Variants in ANK2 observed in about 807,000 individuals in gnomAD.
The protein encoded by ANK2 is ankyrin-2.
Under a neutral mutation model 360.5 loss-of-function variants are expected in ANK2, and 83 were observed. The ratio of observed to expected loss-of-function variants is 0.23; its 90% CI spans 0.19 to 0.28. The LOEUF is 0.28. Among genes scored for constraint, ANK2 ranks in the 10% least tolerant of loss-of-function variants. ANK2 has a pLI of 1.00. For synonymous variants in ANK2, 1,740 were observed against 1,759.5 expected, an observed-to-expected ratio of 0.99 and a Z score of 0.28; for missense variants, 4,201 against 4,795.7, an observed-to-expected ratio of 0.88 and a Z score of 3.66.
intron 23 of ANK2, among the ~76,000 whole-genome samples, chr4:113,304,969 T>G (rs1214361946): frequency 1.3e-5 from 2 of 152,186 alleles, no homozygotes; most frequent in Middle Eastern, 3.2e-3. Flanking sequence ...AGCCCTTTAT[T>G]TACAAAATAA....
intron 2 of ANK2, among the ~76,000 whole-genome samples, chr4:113,016,910 T>C (rs1314623247): frequency 6.6e-6 from 1 of 152,164 alleles, no homozygotes; most frequent in African/African-American, 2.4e-5. Flanking sequence ...TCCCATCAAC[T>C]TGGAGTGCTT....
chr4:112,737,541 C>T, the ANK2 span, among the ~76,000 whole-genome samples: 2 of 152,224 alleles, frequency 1.3e-5, no homozygotes, highest in Non-Finnish European at 2.9e-5. Context: ...TGGCAGTTTG[C>T]TCCACATGGC....
At chr4:113,096,518 G>A (rs1241506972) in intron 1 of ANK2, among the ~76,000 whole-genome samples, 2 of 152,080 alleles carry the variant, frequency 1.3e-5, no homozygotes, top group Non-Finnish European at 2.9e-5. Context: ...ATGTCCAGCA[G>A]AATCACAAAA....
At chr4:113,129,616 T>C (rs2095881093) in intron 1 of ANK2, among the ~76,000 whole-genome samples, 1 of 152,212 alleles carries the variant, frequency 6.6e-6, no homozygotes, top group Admixed American at 6.5e-5. Flanking sequence ...GGAGCTGCTA[T>C]ATAGTACATT....
At chr4:112,712,231 C>T in the ANK2 span, among the ~76,000 whole-genome samples, 1 of 149,794 alleles carries the variant, frequency 6.7e-6, no homozygotes, top group Non-Finnish European at 1.5e-5. Flanking sequence ...AGGCATGTGC[C>T]ACCATGCCTG....
At chr4:112,764,669 T>G in the ANK2 span, among the ~76,000 whole-genome samples, 2 of 151,464 alleles carry the variant, frequency 1.3e-5, no homozygotes, top group African/African-American at 2.4e-5. Flanking sequence ...TTATTGCCTT[T>G]CCTTTGTATT....
intron 23 of ANK2, among the ~76,000 whole-genome samples, chr4:113,305,713 T>G (rs1229094428): frequency 6.6e-6 from 1 of 152,214 alleles, no homozygotes; most frequent in African/African-American, 2.4e-5. Flanking sequence ...GTTAATATGT[T>G]TTTATGAAAC....
At chr4:113,333,024 C>G (rs1266869318) in intron 28 of ANK2, 30 bp from the exon 29 acceptor site, 1 of 1,613,916 alleles carries the variant, frequency 6.2e-7, no homozygotes, top group African/African-American at 1.3e-5. Flanking sequence ...AGCTCCTGTC[C>G]ACACTGAATG....
At chr4:112,745,325 T>A in the ANK2 span, among the ~76,000 whole-genome samples, 1,694 of 152,318 alleles carry the variant, frequency 0.011, 41 homozygotes, top group African/African-American at 0.039. Flanking sequence ...ATAGTAGGTG[T>A]ATATATTTAT....
At chr4:112,930,147 C>T (rs998204080) in intron 2 of ANK2, among the ~76,000 whole-genome samples, 3 of 151,620 alleles carry the variant, frequency 2.0e-5, no homozygotes, top group Admixed American at 6.6e-5. Flanking sequence ...TTTTCCTGCT[C>T]ATTGAATATG....
intron 4 of ANK2, among the ~76,000 whole-genome samples, chr4:113,206,405 G>A (rs531455382): frequency 3.9e-5 from 6 of 152,212 alleles, no homozygotes; most frequent in East Asian, 3.9e-4. Flanking sequence ...CCATGTTCCC[G>A]CAAAGGACAT....
At chr4:113,265,069 T>C in intron 14 of ANK2, 74 bp downstream of exon 14, 8 of 1,370,710 alleles carry the variant, frequency 5.8e-6, no homozygotes, top group Non-Finnish European at 8.1e-6. Flanking sequence ...GTGTTGCCCT[T>C]CAGTTCCTTG....
At chr4:113,194,325 G>A (rs1409695788) in intron 2 of ANK2, among the ~76,000 whole-genome samples, 2 of 152,008 alleles carry the variant, frequency 1.3e-5, no homozygotes, top group South Asian at 2.1e-4. Flanking sequence ...TGGTTTTTCT[G>A]TATATGTCAG....
chr4:112,757,197 C>T, the ANK2 span, among the ~76,000 whole-genome samples: 3 of 150,848 alleles, frequency 2.0e-5, no homozygotes, highest in African/African-American at 7.3e-5. Flanking sequence ...ACTGCAACCT[C>T]CGCTTCCCGG....
intron 1 of ANK2, among the ~76,000 whole-genome samples, chr4:112,849,495 T>A (rs1046398946): frequency 4.6e-5 from 7 of 152,242 alleles, no homozygotes; most frequent in African/African-American, 1.7e-4. Flanking sequence ...CCTGGTTTAT[T>A]ACTCCTTTCT....
At chr4:113,147,654 A>G (rs973083737) in intron 1 of ANK2, among the ~76,000 whole-genome samples, 1 of 152,220 alleles carries the variant, frequency 6.6e-6, no homozygotes, top group African/African-American at 2.4e-5. Context: ...ACTTAATACC[A>G]AGCATGACTT....
chr4:112,923,411 G>T lies in ANK2; in HGVS notation c.21+18897G>T, dbSNP rs552919374. ...ACTGTGGAATTCCTTTCAAAATGAG[G>T]CTGATTATAAAGCTAAATGTTGCTG... is the stretch of plus-strand genomic sequence containing the variant. On this transcript the variant is annotated intron_variant, in intron 2 of 30. Transcript: ENST00000503271. 3.3e-5 allele frequency among the ~76,000 whole-genome samples: 5 copies of T among 151,646 alleles called. No individual in the cohort carries two copies. The East Asian group carries it at 9.7e-4, about 29-fold the overall frequency.
At chr4:113,175,463 C>T (rs2098157162) in intron 2 of ANK2, among the ~76,000 whole-genome samples, 1 of 152,134 alleles carries the variant, frequency 6.6e-6, no homozygotes, top group African/African-American at 2.4e-5. Context: ...CCAACTGTTT[C>T]CCGTTCCTCA....
At chr4:113,257,959 A>ATGTAACATTATTGCCTGCAATG in intron 11 of ANK2, 91 bp from the exon 12 acceptor site, 2 of 1,168,012 alleles carry the variant, frequency 1.7e-6, no homozygotes, top group Admixed American at 3.5e-5. Flanking sequence ...TTATGTGACG[A>ATGTAACATTATTGCCTGCAATG]TGTAACATTA....
Sources: gnomAD v4.1 joint callset for allele counts (sites outside exome capture counted in the v4.1 genomes callset) on GRCh38, gnomAD v4.1.1 for gene constraint, MANE v1.5 for transcripts, NCBI Gene and HGNC (gene_info 2026-07-23, HGNC 2026-07-21) for gene names.